GLRA2: variants seen among roughly 807,000 people sequenced by gnomAD.
GLRA2 encodes the protein glycine receptor alpha 2.
GLRA2 carries 11 observed loss-of-function variants against 31.6 expected under a neutral mutation model. The ratio of observed to expected loss-of-function variants is 0.35; its 90% confidence interval spans 0.22 to 0.58. GLRA2 has a LOEUF of 0.58. GLRA2 is among the 20% of genes least tolerant of loss of function. The probability of loss-of-function intolerance (pLI) is 0.84; values close to 1 mark genes in which losing one functional copy is unlikely to be tolerated. For missense variants in GLRA2, 212 were observed against 351.8 expected (o/e 0.60, Z 3.18); for synonymous variants, 132 against 134.0 (o/e 0.99, Z 0.10).
At chrX:14,666,322 G>T (rs1421139199) in intron 7 of GLRA2, among the ~76,000 whole-genome samples, 2 of 111,888 alleles carry the variant, frequency 1.8e-5, no homozygotes, top group Non-Finnish European at 3.8e-5. Flanking sequence ...AAATAATTTT[G>T]CCTGGCTTTC....
intron 7 of GLRA2, among the ~76,000 whole-genome samples, chrX:14,684,985 G>T (rs2091259340): frequency 9.0e-6 from 1 of 111,068 alleles, no homozygotes. Flanking sequence ...TTTGAGATAT[G>T]TCCCATCAAT....
At chrX:14,564,735 C>G (rs967976727) in intron 2 of GLRA2, among the ~76,000 whole-genome samples, 1 of 110,740 alleles carries the variant, frequency 9.0e-6, no homozygotes, top group South Asian at 3.8e-4. Context: ...GTGGAGCTAT[C>G]GTATGTTATT....
chrX:14,461,390 G>T, the GLRA2 span, among the ~76,000 whole-genome samples: 4 of 111,393 alleles, frequency 3.6e-5, no homozygotes, highest in East Asian at 1.1e-3. Context: ...CTGAGTTCAC[G>T]TCCTGGATAT....
intron 7 of GLRA2, among the ~76,000 whole-genome samples, chrX:14,681,910 A>AAATATATATATAT (rs758563376): frequency 9.7e-5 from 4 of 41,296 alleles, no homozygotes; most frequent in African/African-American, 4.9e-4. Flanking sequence ...AAAAAAAAAA[A>AAATATATATATAT]ATATATATAT....
the GLRA2 span, among the ~76,000 whole-genome samples, chrX:14,454,163 C>CA: frequency 5.0e-4 from 15 of 29,986 alleles, no homozygotes; most frequent in African/African-American, 3.1e-3. Flanking sequence ...ACTAAACACA[C>CA]CCACACACAC....
the GLRA2 span, among the ~76,000 whole-genome samples, chrX:14,507,370 A>G: frequency 8.9e-6 from 1 of 112,054 alleles, no homozygotes; most frequent in Non-Finnish European, 1.9e-5. Context: ...GATTTGCCAC[A>G]TAAGATCGTT....
chrX:14,552,671 G>A (rs1308313015), intron 2 of GLRA2, among the ~76,000 whole-genome samples: 1 of 111,732 alleles, frequency 8.9e-6, no homozygotes, highest in Non-Finnish European at 1.9e-5. Context: ...ATCAACCCAA[G>A]CCAATACCCC....
chrX:14,553,695 T>C (rs926105718), intron 2 of GLRA2, among the ~76,000 whole-genome samples: 5 of 111,614 alleles, frequency 4.5e-5, no homozygotes, highest in African/African-American at 1.3e-4. Flanking sequence ...TTGCCCACCC[T>C]TGTGGCAGAC....
At chrX:14,455,670 G>A in the GLRA2 span, among the ~76,000 whole-genome samples, 1 of 111,444 alleles carries the variant, frequency 9.0e-6, no homozygotes, top group African/African-American at 3.3e-5. Flanking sequence ...CTTGGTTCCT[G>A]ATAAATATAT....
chrX:14,480,424 A>G, the GLRA2 span, among the ~76,000 whole-genome samples: 1 of 111,924 alleles, frequency 8.9e-6, no homozygotes, highest in African/African-American at 3.2e-5. Flanking sequence ...GGACTTACTC[A>G]TAAATTCTTT....
At chrX:14,610,611 T>G (rs1358919185) in intron 7 of GLRA2, among the ~76,000 whole-genome samples, 2 of 112,029 alleles carry the variant, frequency 1.8e-5, no homozygotes, top group Admixed American at 9.5e-5. Flanking sequence ...ATTTGCTTAT[T>G]TATTATTAGT....
At chrX:14,656,908 CTTTA>C (rs1166048276) in intron 7 of GLRA2, among the ~76,000 whole-genome samples, 1 of 111,783 alleles carries the variant, frequency 8.9e-6, no homozygotes, top group African/African-American at 3.3e-5. Context: ...AGTGGGGAGA[CTTTA>C]TTTAACTAGG....
chrX:14,489,879 T>A, the GLRA2 span, among the ~76,000 whole-genome samples: 3 of 111,948 alleles, frequency 2.7e-5, no homozygotes, highest in Middle Eastern at 4.6e-3. Context: ...CAAATAAAAA[T>A]CCATTGCTTA....
At chrX:14,482,112 A>C in the GLRA2 span, among the ~76,000 whole-genome samples, 1 of 112,122 alleles carries the variant, frequency 8.9e-6, no homozygotes, top group Non-Finnish European at 1.9e-5. Flanking sequence ...ATGATGATGA[A>C]TGAAATTCTA....
At chrX:14,470,423 T>C in the GLRA2 span, among the ~76,000 whole-genome samples, 1 of 111,902 alleles carries the variant, frequency 8.9e-6, no homozygotes, top group Non-Finnish European at 1.9e-5. Flanking sequence ...TAATTTATGA[T>C]GATTATATAT....
chrX:14,679,516 C>T lies in GLRA2; in HGVS notation c.931-11194C>T, dbSNP rs906035672. 2.7e-5 allele frequency among the ~76,000 whole-genome samples: 3 copies of T among 111,107 alleles called. No homozygotes were observed. The East Asian group carries it at 8.4e-4, about 31-fold the overall frequency. The stretch of plus-strand genomic sequence containing the variant: ...GCTTATCTTTACAAATTTTTGAAAC[C>T]CCAAACCTATCAGCTTGGCTTTCAA... On this transcript the variant is annotated intron_variant, in intron 7 of 8. Coordinates refer to ENST00000218075, the MANE Select transcript of GLRA2 (RefSeq NM_002063.4).
chrX:14,551,308 A>G (rs111702133), intron 2 of GLRA2, among the ~76,000 whole-genome samples: 42 of 112,130 alleles, frequency 3.7e-4, no homozygotes, highest in African/African-American at 1.3e-3. Context: ...ATCTGGAGGC[A>G]TGCCTAAGGA....
chrX:14,681,331 ATTTCCTTCC>A (rs2091199168), intron 7 of GLRA2, among the ~76,000 whole-genome samples: 1 of 111,633 alleles, frequency 9.0e-6, no homozygotes, highest in Non-Finnish European at 1.9e-5. Context: ...ATAGCTAGAT[ATTTCCTTCC>A]TTTCCTTCCT....
At chrX:14,554,153 C>T (rs1045967313) in intron 2 of GLRA2, among the ~76,000 whole-genome samples, 1 of 112,335 alleles carries the variant, frequency 8.9e-6, no homozygotes, top group African/African-American at 3.2e-5. Flanking sequence ...CAAATTTGAG[C>T]ACTTGTAAAC....
Sources: allele counts gnomAD v4.1 joint callset (sites outside exome capture counted in the v4.1 genomes callset), GRCh38; gene constraint gnomAD v4.1.1; transcripts MANE v1.5; gene names NCBI Gene and HGNC (gene_info 2026-07-23, HGNC 2026-07-21).